The following PLCL2 variants were observed in gnomAD, a reference collection of about 807,000 sequenced individuals.
PLCL2 encodes inactive phospholipase C-like protein 2.
Under a neutral mutation model 79.6 loss-of-function variants are expected in PLCL2, and 4 were observed. That is an observed-to-expected ratio of 0.05 (90% CI 0.02 to 0.11). PLCL2 has a LOEUF of 0.11. Among genes scored for constraint, PLCL2 ranks in the 10% least tolerant of loss-of-function variants. The pLI, the probability that PLCL2 is intolerant of heterozygous loss-of-function variation, is 1.00. For synonymous variants in PLCL2, 484 were observed against 457.7 expected, an observed-to-expected ratio of 1.06 and a Z score of -0.73; for missense variants, 895 against 1,291.0, an observed-to-expected ratio of 0.69 and a Z score of 4.70.
chr3:16,995,806 A>T (rs1018427474), intron 1 of PLCL2, among the ~76,000 whole-genome samples: 2 of 152,088 alleles, frequency 1.3e-5, no homozygotes, highest in African/African-American at 2.4e-5. Context: ...CCAAAAATAA[A>T]TTTTTTCAGC....
At chr3:16,917,369 A>T (rs368388608) in intron 1 of PLCL2, among the ~76,000 whole-genome samples, 1 of 152,140 alleles carries the variant, frequency 6.6e-6, no homozygotes, top group African/African-American at 2.4e-5. Context: ...AACCACCTCA[A>T]ACTTAGTGGC....
chr3:16,981,427 A>T (rs1035989585), intron 1 of PLCL2, among the ~76,000 whole-genome samples: 1 of 152,188 alleles, frequency 6.6e-6, no homozygotes, highest in Non-Finnish European at 1.5e-5. Context: ...TTGCAAATCC[A>T]TCTTCATTTT....
chr3:17,009,114 A>G lies in PLCL2; in HGVS notation c.328-560A>G, dbSNP rs2064293442. 6.6e-6 allele frequency among the ~76,000 whole-genome samples: 1 copy of G among 152,012 alleles called. No individual in the cohort carries two copies. Among genetic ancestry groups the G allele is most frequent in the African/African-American group, 2.4e-5 (1 of 41,380 alleles). On this transcript the variant is annotated intron_variant, in intron 1 of 5. Transcript: ENST00000615277. The surrounding 1 kb of genome is among the most constrained non-coding windows in gnomAD (Gnocchi z 4.0). The stretch of plus-strand genomic sequence containing the variant: ...ATTCTCCTGCCTCAGCCTCCCGAGT[A>G]GGTGGGATTACAGGCACCCGCCACC...
At chr3:16,897,342 A>G (rs939414928) in intron 1 of PLCL2, among the ~76,000 whole-genome samples, 2 of 151,406 alleles carry the variant, frequency 1.3e-5, no homozygotes, top group East Asian at 3.9e-4. Context: ...TGGAGCCTTA[A>G]TCCCCCTTGA....
Position 17,084,712 on chromosome 3 carries a change from G to A in PLCL2, c.3205-5021G>A, listed in dbSNP as rs1006189308. 4.6e-5 allele frequency among the ~76,000 whole-genome samples: 7 copies of A among 152,294 alleles called. No homozygotes were observed. The South Asian group carries it at 1.2e-3, about 27-fold the overall frequency. ...GTATCAGTAGATGCAAAAAAAGTTT[G>A]ACAAAATTCAACTCCCATTCATGAC... On this transcript the variant is annotated intron_variant, in intron 5 of 5. Transcript: ENST00000615277.
At chr3:17,049,371 A>C (rs978241573) in intron 4 of PLCL2, among the ~76,000 whole-genome samples, 4 of 152,182 alleles carry the variant, frequency 2.6e-5, no homozygotes, top group African/African-American at 9.6e-5. Context: ...TGCCATTAAG[A>C]AAATCATTGA....
chr3:16,927,840 G>T (rs933414165), intron 1 of PLCL2, among the ~76,000 whole-genome samples: 2 of 152,268 alleles, frequency 1.3e-5, no homozygotes, highest in East Asian at 3.9e-4. Flanking sequence ...ATATTCTGTT[G>T]TCAAATAAGT....
chr3:16,946,456 A>G (rs994319348), intron 1 of PLCL2, among the ~76,000 whole-genome samples: 3 of 152,044 alleles, frequency 2.0e-5, no homozygotes, highest in Non-Finnish European at 4.4e-5. Context: ...AACTACTAGT[A>G]TTTCAACAGT....
rs143250407 is a variant in PLCL2 at position 16,887,999 on chromosome 3, C to T, written c.327+2633C>T. Among the ~76,000 whole-genome samples, 208 of 152,152 alleles carry T rather than the reference C, an allele frequency of 1.4e-3. 2 individuals are homozygous for T. Among genetic ancestry groups the T allele is most frequent in the African/African-American group, 4.9e-3 (203 of 41,480 alleles). On this transcript the variant is annotated intron_variant, in intron 1 of 5. Transcript: ENST00000615277. This position sits in a 1 kb window ranked among gnomAD's most constrained non-coding sequence, Gnocchi z 4.1. ...CAGGGAGTGAATGCTACCTGGGGAA[C>T]TGAGGCCGGTATTTATGGGGTTGTA...
intron 1 of PLCL2, among the ~76,000 whole-genome samples, chr3:16,986,949 T>A (rs1403982365): frequency 6.6e-6 from 1 of 151,996 alleles, no homozygotes; most frequent in Non-Finnish European, 1.5e-5. Flanking sequence ...CTTTGCTTTA[T>A]AAATAGAGAA....
intron 5 of PLCL2, among the ~76,000 whole-genome samples, chr3:17,085,670 C>G (rs369594762): frequency 1.3e-4 from 20 of 150,196 alleles, no homozygotes; most frequent in Non-Finnish European, 2.5e-4. Context: ...AGGATGGTCT[C>G]GATCTCCTGA....
chr3:16,888,887 A>G (rs1400893897), intron 1 of PLCL2, among the ~76,000 whole-genome samples: 1 of 152,214 alleles, frequency 6.6e-6, no homozygotes, highest in Non-Finnish European at 1.5e-5. Context: ...TACATACAGT[A>G]AAATTCACAC....
At chr3:17,005,811 C>T (rs531967168) in intron 1 of PLCL2, among the ~76,000 whole-genome samples, 1 of 152,054 alleles carries the variant, frequency 6.6e-6, no homozygotes, top group Non-Finnish European at 1.5e-5. Flanking sequence ...TCTTGCAGTC[C>T]GGACATTGTT....
intron 5 of PLCL2, among the ~76,000 whole-genome samples, chr3:17,085,382 C>T (rs1026219920): frequency 6.6e-6 from 1 of 152,134 alleles, no homozygotes; most frequent in African/African-American, 2.4e-5. Context: ...AAGCCTTAGC[C>T]TCCCAAAGTG....
In PLCL2 at chr3:17,009,575, G is replaced by T. The variant is rs187412128; in HGVS notation, c.328-99G>T. The T allele has an allele frequency of 2.5e-3, 1,578 of 632,074 alleles. 4 individuals are homozygous for T. The highest frequency in any genetic ancestry group is 4.2e-3 in the Admixed American group (139 of 33,334). The allele number at this position is 632,074 out of a possible 1,614,324, so 39.2% of individuals were successfully genotyped here. A position where few individuals can be genotyped will look rare whatever the true frequency, so the allele number is the denominator to read the frequency against. ...GAATCTAGAATAGGAAATCTTAATA[G>T]TATGATTTTTTTCTAGGAAATTAAA... On this transcript the variant is annotated intron_variant, in intron 1 of 5. Coordinates refer to ENST00000615277, the MANE Select transcript of PLCL2 (RefSeq NM_001144382.2). The surrounding 1 kb of genome is among the most constrained non-coding windows in gnomAD (Gnocchi z 4.0).
intron 4 of PLCL2, among the ~76,000 whole-genome samples, chr3:17,053,717 C>T (rs2064865249): frequency 6.6e-6 from 1 of 152,104 alleles, no homozygotes; most frequent in South Asian, 2.1e-4. Context: ...AGTAAATAAT[C>T]CCGTTTCGAA....
chr3:17,016,865 G>T (rs1428193927), intron 3 of PLCL2, among the ~76,000 whole-genome samples: 1 of 152,138 alleles, frequency 6.6e-6, no homozygotes, highest in Non-Finnish European at 1.5e-5. Context: ...TAAGACATTT[G>T]CTTGATTTCT....
Position 17,014,844 on chromosome 3 carries a change from A to AC in PLCL2, c.2955dup (p.Thr986HisfsTer20). On this transcript the variant is annotated frameshift_variant, in exon 3 of 6. Coordinates refer to ENST00000615277, the MANE Select transcript of PLCL2 (RefSeq NM_001144382.2). LOFTEE classifies it high-confidence loss of function. ...GTGGTCCTAAATCTCAGCGAGCAGT[A>AC]CCCCACAATGGAGCTGCAGGGAATT... 1 of 1,614,126 alleles carries AC rather than the reference A, an allele frequency of 6.2e-7. No homozygotes were observed. Among genetic ancestry groups the AC allele is most frequent in the Non-Finnish European group, 8.5e-7 (1 of 1,179,988 alleles).
intron 1 of PLCL2, among the ~76,000 whole-genome samples, chr3:16,942,628 T>C (rs1481009646): frequency 6.6e-6 from 1 of 152,222 alleles, no homozygotes; most frequent in East Asian, 1.9e-4. Context: ...ATTCTTCTCA[T>C]TGTCCTATTC....
Sources: gnomAD v4.1 joint callset for allele counts (sites outside exome capture counted in the v4.1 genomes callset) on GRCh38, gnomAD v4.1.1 for gene constraint, Gnocchi (gnomAD v3.1) non-coding constraint, MANE v1.5 for transcripts, NCBI Gene and HGNC (gene_info 2026-07-23, HGNC 2026-07-21) for gene names.